Variants in ITGB2 observed in about 807,000 individuals in gnomAD.
The protein encoded by ITGB2 is integrin subunit beta 2, also known as integrin beta-2.
A neutral mutation model predicts 86.8 loss-of-function variants in ITGB2; 56 were observed. The ratio of observed to expected loss-of-function variants is 0.65; its 90% CI spans 0.52 to 0.81. The LOEUF (loss-of-function observed/expected upper bound fraction) is 0.81. ITGB2 is among the 30% of genes least tolerant of loss of function. The pLI, the probability that ITGB2 is intolerant of heterozygous loss-of-function variation, is 0.00. For missense variants in ITGB2, 948 were observed against 1,061.2 expected (o/e 0.89, Z 1.48); for synonymous variants, 457 against 450.4 (o/e 1.01, Z -0.19).
intron 14 of ITGB2, 79 bp from the exon 15 acceptor site, chr21:44,886,981 C>G (rs1384800243): frequency 1.3e-6 from 2 of 1,555,598 alleles, no homozygotes; most frequent in African/African-American, 1.4e-5. Context: ...CGAGGTCACC[C>G]CACAACACAG....
At chr21:44,893,361 C>A in intron 10 of ITGB2, 43 bp downstream of exon 10, 2 of 1,609,728 alleles carry the variant, frequency 1.2e-6, no homozygotes, top group Non-Finnish European at 1.7e-6. Flanking sequence ...GTCCCCAGAG[C>A]CCCTCAGCAA....
At chr21:44,895,670 G>A (rs1206023885) in intron 8 of ITGB2, among the ~76,000 whole-genome samples, 2 of 151,818 alleles carry the variant, frequency 1.3e-5, no homozygotes, top group South Asian at 2.1e-4. Context: ...GTGAAACCCC[G>A]TCTCTACTAA....
rs762156163 is a variant in ITGB2, at chr21:44,901,699, C to T, written c.534G>A (p.Pro178=). 1.2e-5 allele frequency: 19 copies of T among 1,612,862 alleles called. No homozygotes were observed. The highest frequency in any genetic ancestry group is 8.0e-5 in the African/African-American group (6 of 74,896). The change falls in exon 6 of 16, where the codon CCG becomes CCA. Residue 178 remains proline (P), a synonymous_variant. Transcript: ENST00000652462. ...FGSFVDKTVL[P]FVNTHPDKLR... ...GCTTATCAGGGTGCGTGTTCACGAACGGCAGCACGGTCTTGTCCACGAAGG... is the reference window on the plus strand; with the variant it reads ...GCTTATCAGGGTGCGTGTTCACGAATGGCAGCACGGTCTTGTCCACGAAGG...
At chr21:44,895,695 G>C (rs1447237471) in intron 8 of ITGB2, among the ~76,000 whole-genome samples, 1 of 151,752 alleles carries the variant, frequency 6.6e-6, no homozygotes, top group Admixed American at 6.6e-5. Context: ...ACAAAAATTA[G>C]CTGGGCGTGG....
At chr21:44,908,294 A>G (rs768814809) in intron 3 of ITGB2, 1 of 522,890 alleles carries the variant, frequency 1.9e-6, no homozygotes, top group Non-Finnish European at 3.5e-6. Context: ...TCTAGTTTAT[A>G]AGACAGGAGA....
chr21:44,900,376 G>A lies in ITGB2; in HGVS notation c.841C>T (p.Pro281Ser), dbSNP rs2146524017. ...GDGKLGAILT[P>S]NDGRCHLEDN... The stretch of plus-strand genomic sequence containing the variant: ...TCCAGGTGACAGCGGCCGTCGTTGG[G>A]GGTCAGGATGGCGCCCAGCTTCCCG... The change falls in exon 7 of 16, where the codon CCC (proline) becomes TCC (serine). Residue 281 changes from proline (P) to serine (S), a missense_variant. Pro to Ser is a moderately conservative substitution (Grantham distance 74, BLOSUM62 -1). Transcript: ENST00000652462. 1 of 1,614,190 alleles carries A rather than the reference G, an allele frequency of 6.2e-7. No individual in the cohort carries two copies. The highest frequency in any genetic ancestry group is 8.5e-7 in the Non-Finnish European group (1 of 1,180,018).
At chr21:44,909,934 C>T (rs988189585) in intron 3 of ITGB2, among the ~76,000 whole-genome samples, 1 of 152,196 alleles carries the variant, frequency 6.6e-6, no homozygotes, top group Non-Finnish European at 1.5e-5. Flanking sequence ...GCTGGCGATG[C>T]GGGGCCAGAA....
Position 44,888,846 on chromosome 21 carries a change from A to G in ITGB2, c.1927T>C (p.Cys643Arg). ...TGCAGGCCCGGACACGCCGCGCTGC[A>G]GTTCTTCCCAAAGGGGCCCTTTTCG... ...KFEKGPFGKN[C>R]SAACPGLQLS... Residue 643 changes from cysteine (C) to arginine (R), a missense_variant, in exon 14 of 16, where the codon TGC (cysteine) becomes CGC (arginine). Physicochemically the swap from Cys to Arg is radical, Grantham distance 180. Transcript: ENST00000652462. 6.2e-7 allele frequency: 1 copy of G among 1,609,782 alleles called. No homozygotes were observed. The highest frequency in any genetic ancestry group is 8.5e-7 in the Non-Finnish European group (1 of 1,179,938).
chr21:44,900,730 C>T (rs1319654456), intron 6 of ITGB2, among the ~76,000 whole-genome samples: 9 of 152,182 alleles, frequency 5.9e-5, no homozygotes, highest in African/African-American at 7.2e-5. Flanking sequence ...GAGAGAGACA[C>T]GGCTGCGGTC....
intron 4 of ITGB2, among the ~76,000 whole-genome samples, chr21:44,903,806 G>A (rs1289570149): frequency 1.3e-5 from 2 of 152,116 alleles, no homozygotes; most frequent in Admixed American, 6.5e-5. Context: ...TAGAGTTGAC[G>A]CCAGCGACAT....
At chr21:44,902,781 C>T (rs913123426) in intron 5 of ITGB2, among the ~76,000 whole-genome samples, 3 of 151,974 alleles carry the variant, frequency 2.0e-5, no homozygotes, top group Admixed American at 6.6e-5. Context: ...TGTGTGTGAG[C>T]GTGCATTTGT....
intron 11 of ITGB2, among the ~76,000 whole-genome samples, chr21:44,890,856 A>C (rs1322037361): frequency 6.6e-6 from 1 of 151,982 alleles, no homozygotes. Flanking sequence ...AAGTGTTCCG[A>C]CTGAGTCACC....
chr21:44,904,505 C>T (rs746257219), intron 4 of ITGB2, among the ~76,000 whole-genome samples: 1 of 151,820 alleles, frequency 6.6e-6, no homozygotes, highest in Non-Finnish European at 1.5e-5. Flanking sequence ...TGCACACACA[C>T]CACAAACACC....
In ITGB2 at chr21:44,894,986, A is replaced by C; in HGVS notation, c.1068T>G (p.Ile356Met). Residue 356 changes from isoleucine to methionine, a missense_variant, in exon 9 of 16, where the codon ATT (isoleucine) becomes ATG (methionine). Transcript: ENST00000652462. ...SEDSSNVVHL[I>M]KNAYNKLSSR... is the part of the protein sequence containing the mutation. The stretch of plus-strand genomic sequence containing the variant: ...GGAGACTCACATTGTAAGCATTCTT[A>C]ATGAGATGGACCACATTGCTGGAGT... The C allele has an allele frequency of 6.2e-7, 1 of 1,609,890 alleles. No individual in the cohort carries two copies. The highest frequency in any genetic ancestry group is 8.5e-7 in the Non-Finnish European group (1 of 1,176,402).
At position 44,886,344 on chromosome 21, in the gene ITGB2, C is replaced by T. The variant is rs377464416; in HGVS notation, c.*24G>A. The stretch of plus-strand genomic sequence containing the variant: ...ATGGGGCAGACATGGTGGGTCCTGA[C>T]GGCCTTGTCTTCACCAAGTGCTCCT... On this transcript the variant is annotated 3_prime_UTR_variant, in exon 16 of 16. Transcript: ENST00000652462. 5.3e-5 allele frequency: 85 copies of T among 1,610,020 alleles called. No individual in the cohort carries two copies. Among genetic ancestry groups the T allele is most frequent in the Admixed American group, 3.8e-4 (23 of 60,010 alleles).
At chr21:44,905,917 A>G (rs2084035422) in intron 4 of ITGB2, among the ~76,000 whole-genome samples, 1 of 152,064 alleles carries the variant, frequency 6.6e-6, no homozygotes. Flanking sequence ...CTGAGGGCAG[A>G]GCTCTGAGCC....
chr21:44,888,068 C>T (rs1173570280), intron 14 of ITGB2, among the ~76,000 whole-genome samples: 2 of 152,174 alleles, frequency 1.3e-5, no homozygotes, highest in Non-Finnish European at 2.9e-5. Flanking sequence ...GGCCTGGTTC[C>T]AACTGGAGCT....
chr21:44,900,256 C>T (rs1473869620), intron 7 of ITGB2, 64 bp downstream of exon 7: 5 of 1,594,878 alleles, frequency 3.1e-6, no homozygotes, highest in Non-Finnish European at 4.3e-6. Context: ...GAGACCCCAC[C>T]CTTGTCTCCT....
Position 44,901,726 on chromosome 21 carries a change from C to T in ITGB2, c.507G>A (p.Gly169=), listed in dbSNP as rs2083962128. 1 of 1,609,880 alleles carries T rather than the reference C, an allele frequency of 6.2e-7. No individual in the cohort carries two copies. The highest frequency in any genetic ancestry group is 2.2e-5 in the East Asian group (1 of 44,770). ...EITESGRIGF[G]SFVDKTVLPF... ...GCAGCACGGTCTTGTCCACGAAGGA[C>T]CCGAAGCCTGCAGGGCACATGGAGG... The change falls in exon 6 of 16, where the codon GGG becomes GGA. Residue 169 remains glycine, a synonymous_variant. Coordinates refer to ENST00000652462, the MANE Select transcript of ITGB2 (RefSeq NM_000211.5).
Sources: gnomAD v4.1 joint callset for allele counts (sites outside exome capture counted in the v4.1 genomes callset) on GRCh38, gnomAD v4.1.1 for gene constraint, MANE v1.5 for transcripts, NCBI Gene and HGNC (gene_info 2026-07-23, HGNC 2026-07-21) for gene names.